The following MBTD1 variants were observed in gnomAD, a reference collection of about 807,000 sequenced individuals.
MBTD1 encodes the protein mbt domain containing 1.
A neutral mutation model predicts 87.8 loss-of-function variants in MBTD1; 24 were observed. The ratio of observed to expected loss-of-function variants is 0.27; its 90% CI spans 0.20 to 0.38. MBTD1 has a LOEUF of 0.38. Among genes scored for constraint, MBTD1 ranks in the 10% least tolerant of loss-of-function variants. The pLI is 1.00. For synonymous variants in MBTD1, 237 were observed against 248.6 expected, an observed-to-expected ratio of 0.95 and a Z score of 0.44; for missense variants, 436 against 760.2, an observed-to-expected ratio of 0.57 and a Z score of 5.02.
At chr17:51,251,195 T>C (rs2054759971) in intron 2 of MBTD1, 1 of 152,202 alleles carries the variant, frequency 6.6e-6, no homozygotes. Flanking sequence ...TGTTTTTTCT[T>C]ACAGTTCTGT....
rs1194172791 is a variant in MBTD1, at chr17:51,179,485, TATATATATA to T, written c.*1082_*1090del. 2.4e-4 allele frequency: 3 copies of T among 12,692 alleles called. No homozygotes were observed. Among genetic ancestry groups the T allele is most frequent in the African/African-American group, 8.3e-4 (3 of 3,598 alleles). 0.8% of individuals were successfully genotyped at this position (12,692 alleles called of 1,614,324 possible). On this transcript the variant is annotated 3_prime_UTR_variant, in exon 17 of 17. Transcript: ENST00000586178. Reference sequence around the variant, plus strand: ...TCCTGAATACAATTAAAGACAATTTTATATATATATATATATATATATATATATATATAT... The same window carrying T: ...TCCTGAATACAATTAAAGACAATTTTTATATATATATATATATATATATAT...
chr17:51,223,638 C>A (rs1010189750), intron 3 of MBTD1, among the ~76,000 whole-genome samples: 1 of 152,104 alleles, frequency 6.6e-6, no homozygotes, highest in African/African-American at 2.4e-5. Context: ...GAGTTTGAGA[C>A]CGGCCTGGCC....
rs71149351 is a variant in MBTD1, at chr17:51,197,041, GATATATATATATATATATATATATATAT to G, written c.1225-1708_1225-1681del. 1.6e-3 allele frequency among the ~76,000 whole-genome samples: 143 copies of G among 87,554 alleles called. 2 individuals carry two copies. Among genetic ancestry groups the G allele is most frequent in the East Asian group, 3.3e-3 (8 of 2,402 alleles). The allele number at this position is 87,554 out of a possible 152,430, so 57.4% of individuals were successfully genotyped here. The stretch of plus-strand genomic sequence containing the variant: ...TCTTTATCTATTATTATATATACAA[GATATATATATATATATATATATATATAT>G]ATATATATATATATATATATATATA... On this transcript the variant is annotated intron_variant, in intron 12 of 16. Transcript: ENST00000586178.
chr17:51,230,648 G>C (rs190113002), intron 2 of MBTD1, among the ~76,000 whole-genome samples: 1 of 152,146 alleles, frequency 6.6e-6, no homozygotes, highest in Non-Finnish European at 1.5e-5. Context: ...TAGGCAAAGG[G>C]AAGTGCAAGA....
intron 2 of MBTD1, among the ~76,000 whole-genome samples, chr17:51,257,313 A>T (rs1385063111): frequency 6.6e-6 from 1 of 152,250 alleles, no homozygotes; most frequent in East Asian, 1.9e-4. Flanking sequence ...AAAAGCTGAG[A>T]AACAAAGAGC....
intron 6 of MBTD1, among the ~76,000 whole-genome samples, chr17:51,215,347 A>G (rs1279699270): frequency 6.6e-6 from 1 of 152,230 alleles, no homozygotes; most frequent in Non-Finnish European, 1.5e-5. Context: ...AATATAGTAT[A>G]ACAATTCAAA....
chr17:51,193,380 TG>T lies in MBTD1; in HGVS notation c.1455+47del, dbSNP rs558697531. 429 of 1,227,050 alleles carry T rather than the reference TG, an allele frequency of 3.5e-4. 1 individual carries two copies. In the African/African-American group the frequency reaches 5.8e-3, roughly 17 times the overall value. 76.0% of individuals were successfully genotyped at this position (1,227,050 alleles called of 1,614,324 possible). ...TTTTTATGAACATAAATTGTATTTGTGGGGCATTAATAAGTCCTCACATAAT... is the reference window on the plus strand; with the variant it reads ...TTTTTATGAACATAAATTGTATTTGTGGGCATTAATAAGTCCTCACATAAT... On this transcript the variant is annotated intron_variant, in intron 14 of 16. Transcript: ENST00000586178.
intron 6 of MBTD1, among the ~76,000 whole-genome samples, chr17:51,214,139 T>TACAC (rs71149354): frequency 6.6e-6 from 1 of 151,382 alleles, no homozygotes; most frequent in Non-Finnish European, 1.5e-5. Flanking sequence ...CACATACACA[T>TACAC]ACACTTTTGT....
chr17:51,225,756 C>T (rs2053179328), intron 2 of MBTD1, among the ~76,000 whole-genome samples: 2 of 149,004 alleles, frequency 1.3e-5, no homozygotes, highest in Non-Finnish European at 1.5e-5. Context: ...ATGGGATGGG[C>T]GTGGTGGCTC....
chr17:51,196,203 C>T (rs535512160), intron 12 of MBTD1, among the ~76,000 whole-genome samples: 4 of 150,492 alleles, frequency 2.7e-5, no homozygotes, highest in Admixed American at 6.6e-5. Flanking sequence ...AGAGCCACCA[C>T]GTCTGGCTGT....
Position 51,202,788 on chromosome 17 carries a change from T to C in MBTD1, c.976A>G (p.Thr326Ala). ...RLVYEESEDRTDDFWCHMHSP... is the reference protein window; with the variant it reads ...RLVYEESEDRADDFWCHMHSP... Reference sequence around the variant, plus strand: ...TGCATATGGCACCAGAAGTCATCTGTTCTATCTTCGCTTTCTTCATACACT... The same window carrying C: ...TGCATATGGCACCAGAAGTCATCTGCTCTATCTTCGCTTTCTTCATACACT... The change falls in exon 10 of 17, where the codon ACA becomes GCA. Residue 326 changes from threonine (T) to alanine (A), a missense_variant. Physicochemically the swap from Thr to Ala is moderately conservative, Grantham distance 58. Coordinates refer to ENST00000586178, the MANE Select transcript of MBTD1 (RefSeq NM_017643.3). 1 of 1,614,150 alleles carries C rather than the reference T, an allele frequency of 6.2e-7. No individual in the cohort carries two copies. Among genetic ancestry groups the C allele is most frequent in the East Asian group, 2.2e-5 (1 of 44,870 alleles).
chr17:51,213,595 G>A (rs2052386026), intron 6 of MBTD1, among the ~76,000 whole-genome samples: 1 of 151,224 alleles, frequency 6.6e-6, no homozygotes, highest in Admixed American at 6.6e-5. Flanking sequence ...AAAGCCCAAA[G>A]CTGAAAATTA....
At chr17:51,211,645 GT>G (rs2052225254) in intron 6 of MBTD1, among the ~76,000 whole-genome samples, 1 of 151,954 alleles carries the variant, frequency 6.6e-6, no homozygotes, top group Admixed American at 6.6e-5. Flanking sequence ...ACTAATTTAA[GT>G]TTTATTTCCA....
At chr17:51,187,740 T>C (rs2050605625) in intron 16 of MBTD1, among the ~76,000 whole-genome samples, 1 of 151,818 alleles carries the variant, frequency 6.6e-6, no homozygotes, top group Non-Finnish European at 1.5e-5. Flanking sequence ...ATCCCACTAC[T>C]TGGGAGGCTG....
chr17:51,215,344 T>C (rs1305318476), intron 6 of MBTD1, among the ~76,000 whole-genome samples: 3 of 152,214 alleles, frequency 2.0e-5, no homozygotes, highest in Non-Finnish European at 4.4e-5. Flanking sequence ...TTTAATATAG[T>C]ATAACAATTC....
rs1568136073 is a variant in MBTD1, at chr17:51,179,512, A to ATATATT, written c.*1063_*1064insAATATA. On this transcript the variant is annotated 3_prime_UTR_variant, in exon 17 of 17. Coordinates refer to ENST00000586178, the MANE Select transcript of MBTD1 (RefSeq NM_017643.3). ...TATATATATATATATATATATATAT[A>ATATATT]TATATATATATATATATATATATAT... The ATATATT allele has an allele frequency of 1.2e-4, 12 of 97,002 alleles. 1 individual carries two copies. The highest frequency in any genetic ancestry group is 2.6e-4 in the Non-Finnish European group (12 of 46,330). The allele number at this position is 97,002 out of a possible 1,614,324, so 6.0% of individuals were successfully genotyped here. A position where few individuals can be genotyped will look rare whatever the true frequency, so the allele number is the denominator to read the frequency against.
At chr17:51,218,529 C>CAAAAA (rs58563366) in intron 5 of MBTD1, among the ~76,000 whole-genome samples, 2 of 110,676 alleles carry the variant, frequency 1.8e-5, no homozygotes, top group Admixed American at 9.7e-5. Context: ...ACTCTGTCTC[C>CAAAAA]AAAAAAAAAA....
rs1568136016 is a variant in MBTD1 at position 51,179,510 on chromosome 17, A to ATTTT, written c.*1065_*1066insAAAA. ...TATATATATATATATATATATATAT[A>ATTTT]TATATATATATATATATATATATAT... On this transcript the variant is annotated 3_prime_UTR_variant, in exon 17 of 17. Coordinates refer to ENST00000586178, the MANE Select transcript of MBTD1 (RefSeq NM_017643.3). The ATTTT allele has an allele frequency of 1.4e-4, 13 of 95,716 alleles. No individual in the cohort carries two copies. The highest frequency in any genetic ancestry group is 5.2e-4 in the African/African-American group (13 of 24,788). 5.9% of individuals were successfully genotyped at this position (95,716 alleles called of 1,614,324 possible). A position where few individuals can be genotyped will look rare whatever the true frequency, so the allele number is the denominator to read the frequency against.
chr17:51,227,226 A>G (rs905480402), intron 2 of MBTD1, among the ~76,000 whole-genome samples: 2 of 130,180 alleles, frequency 1.5e-5, no homozygotes, highest in Admixed American at 8.7e-5. Context: ...TGGGTGACAG[A>G]GCGAGACTCT....
Sources: allele counts gnomAD v4.1 joint callset (sites outside exome capture counted in the v4.1 genomes callset), GRCh38; gene constraint gnomAD v4.1.1; transcripts MANE v1.5; gene names NCBI Gene and HGNC (gene_info 2026-07-23, HGNC 2026-07-21).